Variants in PRKD1 observed in about 807,000 individuals in gnomAD.
PRKD1 encodes protein kinase D1.
A neutral mutation model predicts 95.9 loss-of-function variants in PRKD1; 63 were observed. The ratio of observed to expected loss-of-function variants is 0.66; its 90% confidence interval spans 0.54 to 0.81. PRKD1 has a LOEUF of 0.81. Ranked by LOEUF, PRKD1 falls within the 30% of genes least tolerant of loss-of-function variation. PRKD1 has a pLI of 0.00. For synonymous variants in PRKD1, 425 were observed against 423.1 expected, an observed-to-expected ratio of 1.00 and a Z score of -0.05; for missense variants, 1,048 against 1,165.3, an observed-to-expected ratio of 0.90 and a Z score of 1.47.
At chr14:29,653,608 G>C (rs970337179) in intron 4 of PRKD1, among the ~76,000 whole-genome samples, 6 of 151,944 alleles carry the variant, frequency 3.9e-5, no homozygotes, top group Non-Finnish European at 7.4e-5. Flanking sequence ...TCAACTGCTT[G>C]ACAAAAATAT....
intron 1 of PRKD1, among the ~76,000 whole-genome samples, chr14:29,757,124 ATT>A (rs1887739100): frequency 6.6e-6 from 1 of 152,214 alleles, no homozygotes; most frequent in South Asian, 2.1e-4. Flanking sequence ...TATCAGTAGC[ATT>A]AACACATCAT....
intron 1 of PRKD1, among the ~76,000 whole-genome samples, chr14:29,802,481 G>A (rs1890075463): frequency 6.6e-6 from 1 of 152,244 alleles, no homozygotes; most frequent in Non-Finnish European, 1.5e-5. Flanking sequence ...AGATCTAAAT[G>A]TGGTTTTCTA....
intron 4 of PRKD1, among the ~76,000 whole-genome samples, chr14:29,639,388 G>C (rs529714948): frequency 2.7e-4 from 41 of 152,276 alleles, no homozygotes; most frequent in Middle Eastern, 3.4e-3. Context: ...GGGAGGCCAA[G>C]GCGGGTGGAT....
At chr14:29,795,915 A>G (rs545012805) in intron 1 of PRKD1, among the ~76,000 whole-genome samples, 8 of 152,306 alleles carry the variant, frequency 5.3e-5, no homozygotes, top group African/African-American at 1.7e-4. Flanking sequence ...AAAGGAAGGT[A>G]AGCAAAATAA....
intron 8 of PRKD1, among the ~76,000 whole-genome samples, 196 bp downstream of exon 8, chr14:29,634,222 C>T (rs45448799): frequency 0.014 from 2,176 of 152,300 alleles, 44 homozygotes; most frequent in African/African-American, 0.043. Flanking sequence ...GCTTTCCACA[C>T]TTTTTCCTAA....
At chr14:29,742,264 C>T (rs751700261) in intron 1 of PRKD1, among the ~76,000 whole-genome samples, 4 of 152,194 alleles carry the variant, frequency 2.6e-5, no homozygotes, top group African/African-American at 4.8e-5. Context: ...ATAAAACCAC[C>T]TGCCACCCCA....
chr14:29,743,768 A>G (rs1009056230), intron 1 of PRKD1, among the ~76,000 whole-genome samples: 1 of 152,152 alleles, frequency 6.6e-6, no homozygotes, highest in Non-Finnish European at 1.5e-5. Flanking sequence ...CTGCCAATCA[A>G]TGCCCTTCAC....
At chr14:29,682,833 G>T (rs762669627) in intron 2 of PRKD1, among the ~76,000 whole-genome samples, 1 of 152,158 alleles carries the variant, frequency 6.6e-6, no homozygotes, top group Non-Finnish European at 1.5e-5. Flanking sequence ...CTGGGAGGAG[G>T]CAGGCATTCT....
rs528901056 is a variant in PRKD1, at chr14:29,651,718, CT to C, written c.696+11980del. ...AACTGTTGAAGTGAACATAAGTAAC[CT>C]TTTTTTCATATTTTTTATTTATTAT... On this transcript the variant is annotated intron_variant, in intron 4 of 17. Transcript: ENST00000331968. Among the ~76,000 whole-genome samples, 255 of 151,548 alleles carry C rather than the reference CT, an allele frequency of 1.7e-3. 1 individual carries two copies. The highest frequency in any genetic ancestry group is 3.0e-3 in the Non-Finnish European group (202 of 67,860).
At chr14:29,697,352 G>A (rs1462953019) in intron 2 of PRKD1, among the ~76,000 whole-genome samples, 1 of 152,104 alleles carries the variant, frequency 6.6e-6, no homozygotes, top group Non-Finnish European at 1.5e-5. Flanking sequence ...TACTCAGAGA[G>A]CAAATAACAG....
At chr14:29,729,227 T>C (rs1248149714) in intron 1 of PRKD1, among the ~76,000 whole-genome samples, 1 of 152,154 alleles carries the variant, frequency 6.6e-6, no homozygotes, top group Non-Finnish European at 1.5e-5. Flanking sequence ...TGGCATATTC[T>C]GGAAGATTTG....
intron 13 of PRKD1, among the ~76,000 whole-genome samples, chr14:29,603,936 T>C (rs1893612045): frequency 6.6e-6 from 1 of 152,084 alleles, no homozygotes; most frequent in African/African-American, 2.4e-5. Context: ...ACATAACAGA[T>C]TGATGACATA....
chr14:29,782,984 C>T (rs1013420885), intron 1 of PRKD1, among the ~76,000 whole-genome samples: 10 of 152,332 alleles, frequency 6.6e-5, no homozygotes, highest in Admixed American at 6.5e-4. Flanking sequence ...TCACCTCAAA[C>T]ATTTGTTTCT....
chr14:29,583,849 T>C (rs1329660240), intron 16 of PRKD1, among the ~76,000 whole-genome samples: 1 of 152,206 alleles, frequency 6.6e-6, no homozygotes, highest in African/African-American at 2.4e-5. Context: ...TTTTTTGAAA[T>C]CTAATGTTTC....
chr14:29,763,265 C>G (rs969939106), intron 1 of PRKD1, among the ~76,000 whole-genome samples: 1 of 148,318 alleles, frequency 6.7e-6, no homozygotes, highest in African/African-American at 2.5e-5. Flanking sequence ...CCCCTGCACT[C>G]CAACCTGGGT....
intron 1 of PRKD1, among the ~76,000 whole-genome samples, chr14:29,861,988 T>C (rs1014218081): frequency 6.6e-6 from 1 of 152,122 alleles, no homozygotes; most frequent in Non-Finnish European, 1.5e-5. Context: ...CTAACTATTC[T>C]TTTGTACCCA....
At chr14:29,770,406 G>T (rs1241696110) in intron 1 of PRKD1, among the ~76,000 whole-genome samples, 1 of 152,150 alleles carries the variant, frequency 6.6e-6, no homozygotes, top group Non-Finnish European at 1.5e-5. Context: ...TTCTGGTGAG[G>T]GCTCAGAAGA....
intron 1 of PRKD1, among the ~76,000 whole-genome samples, chr14:29,791,855 AGGATTGGAATAGCTGGAATATATGACAGG>A: frequency 6.6e-6 from 1 of 152,156 alleles, no homozygotes; most frequent in South Asian, 2.1e-4. Context: ...GTACATACTC[AGGATTGGAATAGCTGGAATATATGACAGG>A]TATTTGTTTA....
intron 2 of PRKD1, among the ~76,000 whole-genome samples, chr14:29,689,760 G>A (rs2139293988): frequency 6.6e-6 from 1 of 152,266 alleles, no homozygotes; most frequent in East Asian, 1.9e-4. Context: ...AAGAAAATGT[G>A]GCACATACAT....
Sources: gnomAD v4.1 joint callset for allele counts (sites outside exome capture counted in the v4.1 genomes callset) on GRCh38, gnomAD v4.1.1 for gene constraint, MANE v1.5 for transcripts, NCBI Gene and HGNC (gene_info 2026-07-23, HGNC 2026-07-21) for gene names.